Variants in ZC3HC1 observed in about 807,000 individuals in gnomAD.
The protein encoded by ZC3HC1 is zinc finger C3HC-type containing 1, also known as zinc finger C3HC-type protein 1.
Under a neutral mutation model 61.9 loss-of-function variants are expected in ZC3HC1, and 38 were observed. That is an observed-to-expected ratio of 0.61 (90% confidence interval 0.47 to 0.81). ZC3HC1 has a LOEUF of 0.81. ZC3HC1 is among the 30% of genes least tolerant of loss of function. The pLI, the probability that ZC3HC1 is intolerant of heterozygous loss-of-function variation, is 0.00. For missense variants in ZC3HC1, 554 were observed against 622.7 expected (o/e 0.89, Z 1.17); for synonymous variants, 213 against 229.9 (o/e 0.93, Z 0.67).
chr7:130,028,962 T>C lies in ZC3HC1; in HGVS notation c.561A>G (p.Gln187=), dbSNP rs755064911. The C allele has an allele frequency of 9.3e-6, 15 of 1,613,788 alleles. No homozygotes were observed. Among genetic ancestry groups the C allele is most frequent in the African/African-American group, 2.7e-5 (2 of 74,934 alleles). ...GCTGGAGGTCCAAGTGACAAAGGCT[T>C]TGAAAACGATCTAGGAATTCACTAA... ...ILVSEFLDRF[Q]SLCHLDLQLP... is the part of the protein sequence containing the mutation. Residue 187 remains glutamine (Q), a synonymous_variant, in exon 5 of 10, where the codon CAA becomes CAG. Coordinates refer to ENST00000358303, the MANE Select transcript of ZC3HC1 (RefSeq NM_016478.5).
At chr7:130,039,171 C>G (rs1214363173) in intron 4 of ZC3HC1, 4 of 322,600 alleles carry the variant, frequency 1.2e-5, no homozygotes. Flanking sequence ...ATGGTGAAAC[C>G]CCATCTCTAC....
intron 9 of ZC3HC1, among the ~76,000 whole-genome samples, chr7:130,021,562 G>A (rs1320408061): frequency 6.6e-6 from 1 of 152,210 alleles, no homozygotes; most frequent in Non-Finnish European, 1.5e-5. Flanking sequence ...CTGTGGAACA[G>A]AGTAAAGTAA....
chr7:130,028,535 C>T (rs1032402593), intron 5 of ZC3HC1, among the ~76,000 whole-genome samples: 20 of 151,890 alleles, frequency 1.3e-4, no homozygotes, highest in African/African-American at 4.4e-4. Flanking sequence ...GAAAGAGACT[C>T]GGTCTCAAAA....
At chr7:130,050,872 T>C (rs1292074856) in intron 1 of ZC3HC1, among the ~76,000 whole-genome samples, 1 of 152,232 alleles carries the variant, frequency 6.6e-6, no homozygotes, top group Non-Finnish European at 1.5e-5. Flanking sequence ...TTAAAAATAT[T>C]CTGAGAGTTA....
At chr7:130,029,558 T>C (rs760926482) in intron 4 of ZC3HC1, among the ~76,000 whole-genome samples, 2 of 152,138 alleles carry the variant, frequency 1.3e-5, no homozygotes, top group Admixed American at 1.3e-4. Flanking sequence ...TTTTGAAATA[T>C]TTAGATAAAA....
At chr7:130,051,122 G>C (rs550459092) in intron 1 of ZC3HC1, 99 bp downstream of exon 1, 5 of 1,456,660 alleles carry the variant, frequency 3.4e-6, no homozygotes, top group Middle Eastern at 1.8e-4. Context: ...CCCACTGCCC[G>C]AGTCGCCGAC....
intron 4 of ZC3HC1, 69 bp downstream of exon 4, chr7:130,039,395 C>A: frequency 1.5e-6 from 2 of 1,291,338 alleles, no homozygotes; most frequent in South Asian, 2.6e-5. Flanking sequence ...TAGGTTTTCA[C>A]AAACAGACAA....
At chr7:130,050,347 G>A in intron 1 of ZC3HC1, 2 of 1,370,356 alleles carry the variant, frequency 1.5e-6, no homozygotes, top group Non-Finnish European at 2.0e-6. Flanking sequence ...CAAAGTGCTG[G>A]GATTATAGGC....
At chr7:130,044,642 C>A (rs1794799174) in intron 2 of ZC3HC1, among the ~76,000 whole-genome samples, 1 of 152,162 alleles carries the variant, frequency 6.6e-6, no homozygotes, top group Non-Finnish European at 1.5e-5. Flanking sequence ...TTGATAAGGA[C>A]TGGGATATTT....
chr7:130,034,335 A>G (rs1794341020), intron 4 of ZC3HC1, among the ~76,000 whole-genome samples: 1 of 151,694 alleles, frequency 6.6e-6, no homozygotes, highest in South Asian at 2.1e-4. Context: ...AATACAAAAA[A>G]TTAGCCGGGT....
chr7:130,039,428 G>C, intron 4 of ZC3HC1, 36 bp downstream of exon 4: 1 of 1,538,114 alleles, frequency 6.5e-7, no homozygotes, highest in Non-Finnish European at 8.9e-7. Flanking sequence ...AATGATGAAG[G>C]AAAAATGGTG....
At chr7:130,034,463 C>A (rs572980540) in intron 4 of ZC3HC1, among the ~76,000 whole-genome samples, 1 of 108,966 alleles carries the variant, frequency 9.2e-6, no homozygotes, top group Admixed American at 1.5e-4. Context: ...CTAGCCTGGG[C>A]GACAGAGCGA....
rs186833844 is a variant in ZC3HC1, at chr7:130,045,806, G to A, written c.258+3227C>T. On this transcript the variant is annotated intron_variant, in intron 2 of 9. Coordinates refer to ENST00000358303, the MANE Select transcript of ZC3HC1 (RefSeq NM_016478.5). ...CTTGGGAGGCTGAGGCAGGAGAATC[G>A]CTTGAACCCGGGAGGCAGAGGTTGC... Among the ~76,000 whole-genome samples the A allele has an allele frequency of 8.1e-5, 12 of 148,594 alleles. No homozygotes were observed. In the South Asian group the frequency reaches 1.9e-3, roughly 23 times the overall value.
chr7:130,022,213 G>T, intron 9 of ZC3HC1, 106 bp downstream of exon 9: 1 of 1,388,472 alleles, frequency 7.2e-7, no homozygotes, highest in Non-Finnish European at 1.0e-6. Flanking sequence ...ATAACTTGAC[G>T]TATGAAAGCT....
intron 4 of ZC3HC1, among the ~76,000 whole-genome samples, chr7:130,037,167 G>A (rs977793757): frequency 2.0e-5 from 3 of 152,230 alleles, no homozygotes; most frequent in Non-Finnish European, 4.4e-5. Flanking sequence ...ACGGCCAGGC[G>A]CGGGGGCTCA....
chr7:130,026,540 G>A, intron 5 of ZC3HC1: 1 of 411,874 alleles, frequency 2.4e-6, no homozygotes, highest in Non-Finnish European at 4.3e-6. Flanking sequence ...GAGTCTCCCT[G>A]GAACTGCCAA....
Position 130,044,835 on chromosome 7 carries a change from C to G in ZC3HC1, c.259-3734G>C, listed in dbSNP as rs534243649. On this transcript the variant is annotated intron_variant, in intron 2 of 9. Coordinates refer to ENST00000358303, the MANE Select transcript of ZC3HC1 (RefSeq NM_016478.5). ...GCAATGAGAATGCAGCATTGCTTCA[C>G]GACACTCCTGCATAACCTGAATCTA... Among the ~76,000 whole-genome samples the G allele has an allele frequency of 1.1e-4, 16 of 152,256 alleles. No homozygotes were observed. The South Asian group carries it at 1.2e-3, about 12-fold the overall frequency.
chr7:130,022,568 A>G (rs752898528), intron 8 of ZC3HC1, 43 bp from the exon 9 acceptor site: 53 of 1,604,964 alleles, frequency 3.3e-5, no homozygotes, highest in Non-Finnish European at 3.4e-5. Context: ...GGTAGATGCT[A>G]TGTAAGTTCA....
At position 130,023,758 on chromosome 7, in the gene ZC3HC1, T is replaced by C; in HGVS notation, c.1021-35A>G. The C allele has an allele frequency of 6.7e-7, 1 of 1,484,978 alleles. No homozygotes were observed. Among genetic ancestry groups the C allele is most frequent in the Non-Finnish European group, 9.3e-7 (1 of 1,077,516 alleles). The allele number at this position is 1,484,978 out of a possible 1,614,324, so 92.0% of individuals were successfully genotyped here. A position where few individuals can be genotyped will look rare whatever the true frequency, so the allele number is the denominator to read the frequency against. Reference sequence around the variant, plus strand: ...AGGGGAGATAATGGAAGTACACGAATGATATTAATGATTATGGTCAGAAAT... The same window carrying C: ...AGGGGAGATAATGGAAGTACACGAACGATATTAATGATTATGGTCAGAAAT... On this transcript the variant is annotated intron_variant, in intron 7 of 9. Coordinates refer to ENST00000358303, the MANE Select transcript of ZC3HC1 (RefSeq NM_016478.5). This position sits in a 1 kb window ranked among gnomAD's most constrained non-coding sequence, Gnocchi z 4.2.
Sources: allele counts gnomAD v4.1 joint callset (sites outside exome capture counted in the v4.1 genomes callset), GRCh38; gene constraint gnomAD v4.1.1; non-coding constraint Gnocchi (gnomAD v3.1); transcripts MANE v1.5; gene names NCBI Gene and HGNC (gene_info 2026-07-23, HGNC 2026-07-21).